Variants in SLC27A3 observed in about 807,000 individuals in gnomAD.
SLC27A3 encodes the protein solute carrier family 27 member 3.
A neutral mutation model predicts 60.1 loss-of-function variants in SLC27A3; 60 were observed. The ratio of observed to expected loss-of-function variants is 1.00; its 90% CI spans 0.81 to 1.24. The LOEUF is 1.24. Among genes scored for constraint, SLC27A3 ranks in the 50% most tolerant of loss-of-function variants. The pLI, the probability that SLC27A3 is intolerant of heterozygous loss-of-function variation, is 0.00. For synonymous variants in SLC27A3, 455 were observed against 409.0 expected (o/e 1.11, Z -1.36); for missense variants, 1,079 against 929.9 (o/e 1.16, Z -2.09).
intron 9 of SLC27A3, 105 bp from the exon 10 acceptor site, chr1:153,779,721 C>A: frequency 8.6e-7 from 1 of 1,168,426 alleles, no homozygotes; most frequent in Non-Finnish European, 1.2e-6. Context: ...CTTGACCTCA[C>A]ACTCCCTTTC....
rs762705545 is a variant in SLC27A3 at position 153,776,175 on chromosome 1, A to G, written c.667+11A>G. 2.4e-5 allele frequency: 34 copies of G among 1,410,816 alleles called. No homozygotes were observed. The South Asian group carries it at 5.1e-4, about 21-fold the overall frequency. 87.4% of individuals were successfully genotyped at this position (1,410,816 alleles called of 1,614,324 possible). Reference sequence around the variant, plus strand: ...TGGTGCTGGCGCCAGGTAAGGCTGGAGCTCCGAACTGACTAAGGCGGGGCC... The same window carrying G: ...TGGTGCTGGCGCCAGGTAAGGCTGGGGCTCCGAACTGACTAAGGCGGGGCC... On this transcript the variant is annotated intron_variant, in intron 1 of 9. Transcript: ENST00000624995.
Position 153,780,103 on chromosome 1 carries a change from G to A in SLC27A3, c.*101G>A. On this transcript the variant is annotated 3_prime_UTR_variant, in exon 10 of 10. Transcript: ENST00000624995. ...GGATCTTTTCTATACCAGAACTGCG[G>A]TCACTATTTTGTAATAAATGTGGCT... 9.5e-7 allele frequency: 1 copy of A among 1,057,238 alleles called. No homozygotes were observed. Among genetic ancestry groups the A allele is most frequent in the Non-Finnish European group, 1.4e-6 (1 of 736,966 alleles). 65.5% of individuals were successfully genotyped at this position (1,057,238 alleles called of 1,614,324 possible).
Position 153,779,811 on chromosome 1 carries a change from C to T in SLC27A3, c.1876-15C>T. The T allele has an allele frequency of 6.2e-7, 1 of 1,609,786 alleles. No individual in the cohort carries two copies. The highest frequency in any genetic ancestry group is 8.5e-7 in the Non-Finnish European group (1 of 1,177,422). On this transcript the variant is annotated splice_polypyrimidine_tract_variant and intron_variant, in intron 9 of 9. Coordinates refer to ENST00000624995, the MANE Select transcript of SLC27A3 (RefSeq NM_024330.4). Reference sequence around the variant, plus strand: ...AGTCCCCTTCCCTCCAAATCCCTGACCCTCCTGTCCCCAGGAGTCTTTGGC... The same window carrying T: ...AGTCCCCTTCCCTCCAAATCCCTGATCCTCCTGTCCCCAGGAGTCTTTGGC...
At position 153,775,427 on chromosome 1, in the gene SLC27A3, T is replaced by G; in HGVS notation, c.-71T>G. The G allele has an allele frequency of 6.2e-7, 1 of 1,611,894 alleles. No homozygotes were observed. Among genetic ancestry groups the G allele is most frequent in the Non-Finnish European group, 8.5e-7 (1 of 1,179,990 alleles). On this transcript the variant is annotated 5_prime_UTR_variant, in exon 1 of 10. Transcript: ENST00000624995. ...CAGCTAGAACGAGCGGCCCTAGGTT[T>G]TCGGAAGGGAGGATCAGGGATGTTT...
intron 7 of SLC27A3, 107 bp from the exon 8 acceptor site, chr1:153,779,007 A>G: frequency 6.9e-7 from 1 of 1,459,772 alleles, no homozygotes; most frequent in East Asian, 2.3e-5. Flanking sequence ...TCATTCTCAG[A>G]TCTCACCATT....
chr1:153,777,531 A>C (rs985584889), intron 3 of SLC27A3: 9 of 620,306 alleles, frequency 1.5e-5, no homozygotes, highest in African/African-American at 1.3e-4. Flanking sequence ...GGAGGATGAG[A>C]TCTTTGGGGC....
rs760511180 is a variant in SLC27A3, at chr1:153,775,671, G to A, written c.174G>A (p.Pro58=). The change falls in exon 1 of 10, where the codon CCG becomes CCA. Residue 58 remains proline, a synonymous_variant. Transcript: ENST00000624995. ...CCCTGGCCGCGGCTGCCGCCGACCC[G>A]GAAGGTCCCGAGGGGGGCTGCAGCC... The part of the protein sequence containing the change: ...ARALAAAAAD[P]EGPEGGCSLA... The A allele has an allele frequency of 4.6e-6, 7 of 1,535,276 alleles. No individual in the cohort carries two copies. In the East Asian group the frequency reaches 1.2e-4, roughly 25 times the overall value.
In SLC27A3 at chr1:153,775,423, G is replaced by A. The variant is rs1214189360; in HGVS notation, c.-75G>A. ...GTCTCAGCTAGAACGAGCGGCCCTA[G>A]GTTTTCGGAAGGGAGGATCAGGGAT... On this transcript the variant is annotated 5_prime_UTR_variant, in exon 1 of 10. Transcript: ENST00000624995. 6.2e-7 allele frequency: 1 copy of A among 1,611,780 alleles called. No individual in the cohort carries two copies. The highest frequency in any genetic ancestry group is 1.6e-4 in the Middle Eastern group (1 of 6,062).
At position 153,778,824 on chromosome 1, in the gene SLC27A3, C is replaced by T. The variant is rs764882375; in HGVS notation, c.1585C>T (p.Leu529=). 1.9e-6 allele frequency: 3 copies of T among 1,614,180 alleles called. No individual in the cohort carries two copies. In the Admixed American group the frequency reaches 5.0e-5, roughly 27 times the overall value. Residue 529 remains leucine (L), a synonymous_variant, in exon 7 of 10, where the codon CTG becomes TTG. Coordinates refer to ENST00000624995, the MANE Select transcript of SLC27A3 (RefSeq NM_024330.4). ...GGATGTTTTCTTCAACACTGGGGAC[C>T]TGCTGGTCTGCGATGACCAAGGTTT... ...PGDVFFNTGD[L]LVCDDQGFLR...
In SLC27A3 at chr1:153,777,178, A is replaced by G. The variant is rs143746183; in HGVS notation, c.994A>G (p.Met332Val). 2.5e-6 allele frequency: 4 copies of G among 1,614,178 alleles called. No homozygotes were observed. The highest frequency in any genetic ancestry group is 2.2e-5 in the South Asian group (2 of 91,086). ...VIYLALPLYHMSGSLLGIVGC... is the reference protein window; with the variant it reads ...VIYLALPLYHVSGSLLGIVGC... Reference sequence around the variant, plus strand: ...CTACCTCGCCCTCCCACTCTACCACATGTCCGGTTCCCTGCTGGGCATCGT... The same window carrying G: ...CTACCTCGCCCTCCCACTCTACCACGTGTCCGGTTCCCTGCTGGGCATCGT... The change falls in exon 3 of 10, where the codon ATG becomes GTG. Residue 332 changes from methionine to valine, a missense_variant. Transcript: ENST00000624995.
Position 153,779,163 on chromosome 1 carries a change from G to A in SLC27A3, c.1696G>A (p.Ala566Thr). The A allele has an allele frequency of 1.2e-6, 2 of 1,614,170 alleles. No homozygotes were observed. Among genetic ancestry groups the A allele is most frequent in the South Asian group, 2.2e-5 (2 of 91,084 alleles). ...AACCGAGGTGGCAGAGGTCTTCGAG[G>A]CCCTAGATTTTCTTCAGGAGGTGAA... ...ATTEVAEVFE[A>T]LDFLQEVNVY... The change falls in exon 8 of 10, where the codon GCC (alanine) becomes ACC (threonine). Residue 566 changes from alanine (A) to threonine (T), a missense_variant. By Grantham distance (58) the Ala-to-Thr change is moderately conservative. Coordinates refer to ENST00000624995, the MANE Select transcript of SLC27A3 (RefSeq NM_024330.4).
In SLC27A3 at chr1:153,778,542, C is replaced by G; in HGVS notation, c.1436C>G (p.Ala479Gly). ...PIRDPQGHCM[A>G]TSPGEPGLLV... is the part of the protein sequence containing the mutation. ...CGGGACCCCCAGGGGCACTGTATGG[C>G]CACATCTCCAGGTTGGTGGTGTTCT... is the stretch of plus-strand genomic sequence containing the variant. Residue 479 changes from alanine to glycine, a missense_variant, in exon 6 of 10, where the codon GCC becomes GGC. By Grantham distance (60) the Ala-to-Gly change is moderately conservative (BLOSUM62 0). Transcript: ENST00000624995. 1 of 1,613,996 alleles carries G rather than the reference C, an allele frequency of 6.2e-7. No individual in the cohort carries two copies. Among genetic ancestry groups the G allele is most frequent in the Non-Finnish European group, 8.5e-7 (1 of 1,179,888 alleles).
In SLC27A3 at chr1:153,776,093, C is replaced by T; in HGVS notation, c.596C>T (p.Thr199Ile). The T allele has an allele frequency of 1.4e-6, 2 of 1,479,138 alleles. No individual in the cohort carries two copies. Among genetic ancestry groups the T allele is most frequent in the African/African-American group, 2.9e-5 (2 of 68,234 alleles). 91.6% of individuals were successfully genotyped at this position (1,479,138 alleles called of 1,614,324 possible). Reference protein sequence around the residue: ...KAGLRTAFVPTALRRGPLLHC... With the variant: ...KAGLRTAFVPIALRRGPLLHC... ...GGCCTGCGCACTGCCTTTGTGCCCA[C>T]CGCCCTGCGCCGGGGCCCCCTGCTG... The change falls in exon 1 of 10, where the codon ACC (threonine) becomes ATC (isoleucine). Residue 199 changes from threonine to isoleucine, a missense_variant. Thr to Ile is a moderately conservative substitution (Grantham distance 89, BLOSUM62 -1). Transcript: ENST00000624995.
rs545114532 is a variant in SLC27A3 at position 153,779,709 on chromosome 1, A to G, written c.1876-117A>G. On this transcript the variant is annotated intron_variant, in intron 9 of 9. Transcript: ENST00000624995. ...TCCTCCCTGTCACCTCCTCCCCTAA[A>G]CCTTGACCTCACACTCCCTTTCCCA... 1.4e-5 allele frequency: 15 copies of G among 1,067,952 alleles called. No individual in the cohort carries two copies. The African/African-American group carries it at 2.1e-4, about 15-fold the overall frequency. 66.2% of individuals were successfully genotyped at this position (1,067,952 alleles called of 1,614,324 possible).
intron 9 of SLC27A3, 58 bp from the exon 10 acceptor site, chr1:153,779,768 C>T: frequency 1.3e-6 from 2 of 1,548,590 alleles, no homozygotes; most frequent in Non-Finnish European, 1.8e-6. Context: ...AGGCAACTCC[C>T]CTGAACCACG....
chr1:153,778,733 C>T lies in SLC27A3; in HGVS notation c.1494C>T (p.Phe498=), dbSNP rs760569672. The part of the protein sequence containing the change: ...LVAPVSQQSP[F]LGYAGGPELA... The stretch of plus-strand genomic sequence containing the variant: ...CCCCGGTAAGCCAGCAGTCCCCATT[C>T]CTGGGCTATGCTGGCGGGCCAGAGC... Residue 498 remains phenylalanine, a synonymous_variant, in exon 7 of 10, where the codon TTC becomes TTT. Coordinates refer to ENST00000624995, the MANE Select transcript of SLC27A3 (RefSeq NM_024330.4). 1 of 1,613,712 alleles carries T rather than the reference C, an allele frequency of 6.2e-7. No homozygotes were observed. Among genetic ancestry groups the T allele is most frequent in the Admixed American group, 1.7e-5 (1 of 60,026 alleles).
In SLC27A3 at chr1:153,778,884, A is replaced by G. The variant is rs1000687067; in HGVS notation, c.1645A>G (p.Arg549Gly). Reference sequence around the variant, plus strand: ...CCATGATCGTACTGGAGACACCTTCAGGTATCTGTCCATAACTGGTTTTTC... The same window carrying G: ...CCATGATCGTACTGGAGACACCTTCGGGTATCTGTCCATAACTGGTTTTTC... Reference protein sequence around the residue: ...RFHDRTGDTFRWKGENVATTE... With the variant: ...RFHDRTGDTFGWKGENVATTE... The change falls in exon 7 of 10, where the codon AGG (arginine) becomes GGG (glycine). Residue 549 changes from arginine to glycine, a missense_variant and splice_region_variant. Coordinates refer to ENST00000624995, the MANE Select transcript of SLC27A3 (RefSeq NM_024330.4). 2 of 1,613,960 alleles carry G rather than the reference A, an allele frequency of 1.2e-6. No homozygotes were observed. Among genetic ancestry groups the G allele is most frequent in the Non-Finnish European group, 1.7e-6 (2 of 1,179,818 alleles).
At position 153,775,974 on chromosome 1, in the gene SLC27A3, A is replaced by T. The variant is rs768986820; in HGVS notation, c.477A>T (p.Gly159=). Residue 159 remains glycine, a synonymous_variant, in exon 1 of 10, where the codon GGA becomes GGT. Transcript: ENST00000624995. ...GGGACGGTGCCGCCAGAGGTGGAGG[A>T]GCCGCCGCCCCTCTGTCACCTGGAG... ...AGGDGAARGG[G]AAAPLSPGAT... 2 of 1,438,702 alleles carry T rather than the reference A, an allele frequency of 1.4e-6. No homozygotes were observed. Among genetic ancestry groups the T allele is most frequent in the South Asian group, 2.9e-5 (2 of 68,250 alleles). 89.1% of individuals were successfully genotyped at this position (1,438,702 alleles called of 1,614,324 possible). A position where few individuals can be genotyped will look rare whatever the true frequency, so the allele number is the denominator to read the frequency against.
chr1:153,778,571 G>T lies in SLC27A3; in HGVS notation c.1447+18G>T. 1 of 1,612,002 alleles carries T rather than the reference G, an allele frequency of 6.2e-7. No homozygotes were observed. The highest frequency in any genetic ancestry group is 8.5e-7 in the Non-Finnish European group (1 of 1,178,028). On this transcript the variant is annotated intron_variant, in intron 6 of 9. Transcript: ENST00000624995. The stretch of plus-strand genomic sequence containing the variant: ...ATCTCCAGGTTGGTGGTGTTCTGGT[G>T]GGGTGGGCGGGGTGCTGAAGCTGGC...
Sources: gnomAD v4.1 joint callset for allele counts on GRCh38, gnomAD v4.1.1 for gene constraint, MANE v1.5 for transcripts, NCBI Gene and HGNC (gene_info 2026-07-23, HGNC 2026-07-21) for gene names.